The following LEF1 variants were observed in gnomAD, a reference collection of about 807,000 sequenced individuals.
LEF1 encodes the protein lymphoid enhancer-binding factor 1.
LEF1 carries 14 observed loss-of-function variants against 51.2 expected under a neutral mutation model. The observed-to-expected ratio is 0.27, with a 90% CI of 0.18 to 0.43. The LOEUF is 0.43. Among genes scored for constraint, LEF1 ranks in the 20% least tolerant of loss-of-function variants. The probability of loss-of-function intolerance (pLI) is 1.00; values close to 1 mark genes in which losing one functional copy is unlikely to be tolerated. For synonymous variants in LEF1, 185 were observed against 183.2 expected (o/e 1.01, Z -0.08); for missense variants, 386 against 512.0 (o/e 0.75, Z 2.37).
rs377048071 is a variant in LEF1 at position 108,081,602 on chromosome 4, C to T, written c.706G>A (p.Asp236Asn). Reference protein sequence around the residue: ...RQPYPSSLSVDTSMSRFSHHM... With the variant: ...RQPYPSSLSVNTSMSRFSHHM... ...TCCACCTACCTGGACATGGAAGTGT[C>T]GACTGACAGTGAGGATGGGTAGGGT... The change falls in exon 6 of 12, where the codon GAC becomes AAC. Residue 236 changes from aspartate to asparagine, a missense_variant. By Grantham distance (23) the Asp-to-Asn change is conservative. Around this residue, in one of 2 missense-constraint regions of LEF1, gnomAD observed 335 missense variants for 390.7 expected, o/e 0.86. Coordinates refer to ENST00000265165, the MANE Select transcript of LEF1 (RefSeq NM_016269.5). 2.0e-5 allele frequency: 33 copies of T among 1,613,962 alleles called. No homozygotes were observed. In the African/African-American group the frequency reaches 2.3e-4, roughly 11 times the overall value.
At chr4:108,117,861 A>G (rs1317901884) in intron 3 of LEF1, among the ~76,000 whole-genome samples, 3 of 152,238 alleles carry the variant, frequency 2.0e-5, no homozygotes, top group Non-Finnish European at 2.9e-5. Context: ...TAGAGATAAG[A>G]AAACCAAGGC....
rs749486724 is a variant in LEF1, at chr4:108,165,066, A to G, written c.280+31T>C. 6 of 1,603,430 alleles carry G rather than the reference A, an allele frequency of 3.7e-6. No individual in the cohort carries two copies. In the East Asian group the frequency reaches 8.9e-5, roughly 24 times the overall value. ...ATACAAATTGCACCCCTTATCTGCT[A>G]AAGTCAGAAGAAGTAGAATGGGTGT... On this transcript the variant is annotated intron_variant, in intron 2 of 11. Transcript: ENST00000265165.
intron 3 of LEF1, among the ~76,000 whole-genome samples, chr4:108,122,503 A>G (rs1742241583): frequency 6.6e-6 from 1 of 152,068 alleles, no homozygotes; most frequent in Non-Finnish European, 1.5e-5. Context: ...TTTGAGACAG[A>G]GTCTCACTTT....
intron 4 of LEF1, among the ~76,000 whole-genome samples, chr4:108,086,035 T>C (rs1168354471): frequency 6.6e-6 from 1 of 152,224 alleles, no homozygotes; most frequent in Non-Finnish European, 1.5e-5. Flanking sequence ...ACCCATTCCA[T>C]ATGCTGGGTC....
chr4:108,126,162 A>G (rs1200411616), intron 3 of LEF1, among the ~76,000 whole-genome samples: 1 of 152,182 alleles, frequency 6.6e-6, no homozygotes, highest in Non-Finnish European at 1.5e-5. Flanking sequence ...TAATTGCAAA[A>G]TACACATGAA....
intron 3 of LEF1, among the ~76,000 whole-genome samples, chr4:108,138,711 A>G (rs1743456607): frequency 6.6e-6 from 1 of 152,270 alleles, no homozygotes; most frequent in African/African-American, 2.4e-5. Flanking sequence ...CAACTCCTCC[A>G]AACGCCTTGA....
chr4:108,152,955 T>C (rs1297447255), intron 3 of LEF1, among the ~76,000 whole-genome samples: 1 of 152,208 alleles, frequency 6.6e-6, no homozygotes, highest in East Asian at 1.9e-4. Context: ...CTCTTTTATT[T>C]ACTCATTTAT....
intron 8 of LEF1, among the ~76,000 whole-genome samples, chr4:108,077,403 C>T (rs1186287031): frequency 2.0e-5 from 3 of 150,652 alleles, no homozygotes; most frequent in Admixed American, 6.6e-5. Context: ...CACCTCTGCC[C>T]GGCTGCCGCC....
intron 3 of LEF1, among the ~76,000 whole-genome samples, chr4:108,157,694 A>G (rs1744818509): frequency 6.6e-6 from 1 of 152,162 alleles, no homozygotes; most frequent in African/African-American, 2.4e-5. Context: ...TCTCCTACAA[A>G]TGGAAAAATG....
intron 11 of LEF1, among the ~76,000 whole-genome samples, chr4:108,061,137 G>C (rs1737657853): frequency 1.3e-5 from 2 of 152,110 alleles, no homozygotes; most frequent in African/African-American, 4.8e-5. Context: ...TGAGAGGGAG[G>C]GCAACACCAG....
At chr4:108,058,110 A>G (rs961594020) in intron 11 of LEF1, among the ~76,000 whole-genome samples, 4 of 151,924 alleles carry the variant, frequency 2.6e-5, no homozygotes, top group African/African-American at 9.7e-5. Flanking sequence ...TCCTGACCTC[A>G]TGATCTGCCC....
intron 3 of LEF1, among the ~76,000 whole-genome samples, chr4:108,129,637 T>C (rs1012926897): frequency 1.4e-4 from 22 of 152,348 alleles, no homozygotes; most frequent in African/African-American, 4.8e-4. Flanking sequence ...CTTGCCAGCA[T>C]GTTCCACTTC....
chr4:108,074,554 G>A (rs991475786), intron 8 of LEF1, among the ~76,000 whole-genome samples: 2 of 152,136 alleles, frequency 1.3e-5, no homozygotes, highest in Non-Finnish European at 2.9e-5. Context: ...AATGTTCTGG[G>A]ATGGATTTAA....
At chr4:108,130,483 G>T (rs991528064) in intron 3 of LEF1, among the ~76,000 whole-genome samples, 5 of 151,650 alleles carry the variant, frequency 3.3e-5, no homozygotes, top group Admixed American at 2.0e-4. Context: ...ACTTTGTGAG[G>T]CTAAGGCAGG....
At chr4:108,126,101 A>G (rs985846765) in intron 3 of LEF1, among the ~76,000 whole-genome samples, 2 of 152,054 alleles carry the variant, frequency 1.3e-5, no homozygotes, top group Non-Finnish European at 2.9e-5. Context: ...ATGTTCTGAA[A>G]CTCTCTTCCA....
intron 3 of LEF1, among the ~76,000 whole-genome samples, chr4:108,158,400 T>C (rs1744860854): frequency 6.7e-6 from 1 of 149,672 alleles, no homozygotes; most frequent in East Asian, 2.1e-4. Flanking sequence ...AAGTTTTAAA[T>C]GAACATTCCC....
In LEF1 at chr4:108,130,571, A is replaced by T. The variant is rs1319360391; in HGVS notation, c.414+32997T>A. Among the ~76,000 whole-genome samples, 8 of 151,578 alleles carry T rather than the reference A, an allele frequency of 5.3e-5. 1 individual carries two copies. Among genetic ancestry groups the T allele is most frequent in the African/African-American group, 1.9e-4 (8 of 41,218 alleles). On this transcript the variant is annotated intron_variant, in intron 3 of 11. Transcript: ENST00000265165. The stretch of plus-strand genomic sequence containing the variant: ...CTGTCTCTACTAAAAATACAAAAAA[A>T]AAAAAAAAAATGGCAAGGTGTGGTG...
At chr4:108,146,930 C>T (rs1578396364) in intron 3 of LEF1, among the ~76,000 whole-genome samples, 4 of 152,076 alleles carry the variant, frequency 2.6e-5, no homozygotes, top group African/African-American at 9.7e-5. Context: ...CTGACACAAC[C>T]GTGTTTCCCT....
chr4:108,160,056 T>C (rs901025854), intron 3 of LEF1, among the ~76,000 whole-genome samples: 1 of 152,158 alleles, frequency 6.6e-6, no homozygotes, highest in African/African-American at 2.4e-5. Context: ...TCCCCAAGCA[T>C]CTGAAGAGAA....
Sources: gnomAD v4.1 joint callset for allele counts (sites outside exome capture counted in the v4.1 genomes callset) on GRCh38, gnomAD v4.1.1 for gene constraint, gnomAD v4.1.1 regional missense constraint, MANE v1.5 for transcripts, NCBI Gene and HGNC (gene_info 2026-07-23, HGNC 2026-07-21) for gene names.